The following KCNT2 variants were observed in gnomAD, a reference collection of about 807,000 sequenced individuals.
KCNT2 encodes the protein potassium channel subfamily T member 2.
A neutral mutation model predicts 153.8 loss-of-function variants in KCNT2; 67 were observed. The observed-to-expected ratio is 0.44, with a 90% CI of 0.36 to 0.53. The LOEUF is 0.53. Ranked by LOEUF, KCNT2 falls within the 20% of genes least tolerant of loss-of-function variation. KCNT2 has a pLI of 0.00. For synonymous variants in KCNT2, 500 were observed against 458.8 expected (o/e 1.09, Z -1.15); for missense variants, 975 against 1,354.8 (o/e 0.72, Z 4.40).
intron 6 of KCNT2, among the ~76,000 whole-genome samples, chr1:196,468,077 T>C (rs1453172454): frequency 1.3e-5 from 2 of 152,106 alleles, no homozygotes; most frequent in Non-Finnish European, 2.9e-5. Context: ...GTGTGATGGT[T>C]TGTAATAGAC....
At chr1:196,367,410 C>A (rs1668132154) in intron 14 of KCNT2, among the ~76,000 whole-genome samples, 1 of 152,018 alleles carries the variant, frequency 6.6e-6, no homozygotes, top group African/African-American at 2.4e-5. Context: ...CTTCTAAGAT[C>A]CTTTGATTTA....
chr1:196,546,039 T>C (rs112906355), intron 1 of KCNT2, among the ~76,000 whole-genome samples: 8,689 of 152,114 alleles, frequency 0.057, 396 homozygotes, highest in Non-Finnish European at 0.085. Flanking sequence ...ATATAACCAA[T>C]AGTATTCTGG....
At chr1:196,515,884 A>C (rs1185087364) in intron 1 of KCNT2, among the ~76,000 whole-genome samples, 1 of 152,154 alleles carries the variant, frequency 6.6e-6, no homozygotes, top group Non-Finnish European at 1.5e-5. Flanking sequence ...GAGTGACCCC[A>C]GGGACCCATG....
intron 3 of KCNT2, among the ~76,000 whole-genome samples, chr1:196,486,826 T>A (rs545089303): frequency 6.6e-6 from 1 of 151,888 alleles, no homozygotes; most frequent in Non-Finnish European, 1.5e-5. Context: ...ATACTAGATA[T>A]GATACTAAGC....
chr1:196,250,379 T>C (rs1348604423), intron 26 of KCNT2, among the ~76,000 whole-genome samples: 2 of 152,094 alleles, frequency 1.3e-5, no homozygotes, highest in East Asian at 1.9e-4. Context: ...AGAACATACA[T>C]TGGGGAAAGG....
chr1:196,506,924 A>G (rs1297517301), intron 1 of KCNT2, among the ~76,000 whole-genome samples: 1 of 152,154 alleles, frequency 6.6e-6, no homozygotes, highest in Non-Finnish European at 1.5e-5. Context: ...TCATTTCTCT[A>G]TAATAATATT....
At chr1:196,343,399 A>C (rs944883551) in intron 14 of KCNT2, among the ~76,000 whole-genome samples, 4 of 152,132 alleles carry the variant, frequency 2.6e-5, no homozygotes, top group African/African-American at 9.7e-5. Context: ...GCTGAATAAC[A>C]CTTATGAACT....
chr1:196,295,156 G>A (rs1282713065), intron 22 of KCNT2, among the ~76,000 whole-genome samples: 1 of 151,328 alleles, frequency 6.6e-6, no homozygotes, highest in African/African-American at 2.4e-5. Flanking sequence ...ATGTATATAT[G>A]TGTATATATA....
chr1:196,348,188 T>C (rs1263819914), intron 14 of KCNT2, among the ~76,000 whole-genome samples: 5 of 149,738 alleles, frequency 3.3e-5, no homozygotes, highest in Non-Finnish European at 1.5e-5. Context: ...TTCTCTATGA[T>C]AAATGTGTCA....
intron 1 of KCNT2, among the ~76,000 whole-genome samples, chr1:196,556,755 A>G (rs1658725582): frequency 6.6e-6 from 1 of 151,500 alleles, no homozygotes; most frequent in Non-Finnish European, 1.5e-5. Flanking sequence ...GTGAATGGGT[A>G]AAGAAAATGT....
chr1:196,534,908 T>C (rs764015691), intron 1 of KCNT2, among the ~76,000 whole-genome samples: 2 of 152,166 alleles, frequency 1.3e-5, no homozygotes, highest in Non-Finnish European at 2.9e-5. Flanking sequence ...TAATATAATT[T>C]TCCTAGTAGA....
intron 26 of KCNT2, among the ~76,000 whole-genome samples, chr1:196,253,627 T>C (rs1415653473): frequency 1.3e-5 from 2 of 151,622 alleles, no homozygotes; most frequent in African/African-American, 2.4e-5. Context: ...AACAAAGTTA[T>C]ACGCTTCCTT....
At chr1:196,272,288 A>T (rs910954741) in intron 25 of KCNT2, among the ~76,000 whole-genome samples, 1 of 151,888 alleles carries the variant, frequency 6.6e-6, no homozygotes. Context: ...CGGATTCTTT[A>T]TCATGTGAGT....
At chr1:196,535,599 G>T (rs1003008853) in intron 1 of KCNT2, among the ~76,000 whole-genome samples, 7 of 152,086 alleles carry the variant, frequency 4.6e-5, no homozygotes, top group African/African-American at 1.4e-4. Context: ...GTTATAAAAT[G>T]ACTATATGAA....
At chr1:196,367,129 C>T (rs1668107706) in intron 14 of KCNT2, among the ~76,000 whole-genome samples, 2 of 152,054 alleles carry the variant, frequency 1.3e-5, no homozygotes, top group African/African-American at 4.8e-5. Flanking sequence ...TCAGCTGCTG[C>T]TTTACTGAGA....
chr1:196,548,255 A>C (rs1657383170), intron 1 of KCNT2, among the ~76,000 whole-genome samples: 1 of 152,032 alleles, frequency 6.6e-6, no homozygotes. Flanking sequence ...TTCTCTTTGA[A>C]TTTAACAAGT....
At chr1:196,418,303 C>G (rs1054693663) in intron 12 of KCNT2, among the ~76,000 whole-genome samples, 3 of 151,954 alleles carry the variant, frequency 2.0e-5, no homozygotes, top group African/African-American at 7.3e-5. Flanking sequence ...TGGAGAAACT[C>G]CATCTCTACT....
At chr1:196,559,109 C>T (rs1433414308) in intron 1 of KCNT2, among the ~76,000 whole-genome samples, 2 of 151,074 alleles carry the variant, frequency 1.3e-5, no homozygotes, top group Non-Finnish European at 3.0e-5. Flanking sequence ...TCATTTAAAG[C>T]ACAGCTTTTT....
chr1:196,252,405 T>C (rs1245188550), intron 26 of KCNT2, among the ~76,000 whole-genome samples: 1 of 151,728 alleles, frequency 6.6e-6, no homozygotes, highest in African/African-American at 2.4e-5. Flanking sequence ...GCAAAACTAG[T>C]GTGCTATTAT....
Sources: gnomAD v4.1 joint callset for allele counts (sites outside exome capture counted in the v4.1 genomes callset) on GRCh38, gnomAD v4.1.1 for gene constraint, MANE v1.5 for transcripts, NCBI Gene and HGNC (gene_info 2026-07-23, HGNC 2026-07-21) for gene names.